Variants in PCDHGB6 observed in about 807,000 individuals in gnomAD.
PCDHGB6 encodes the protein protocadherin gamma subfamily B, 6.
PCDHGB6 carries 51 observed loss-of-function variants against 59.1 expected under a neutral mutation model. The observed-to-expected ratio is 0.86, with a 90% CI of 0.69 to 1.09. The LOEUF (loss-of-function observed/expected upper bound fraction) is 1.09, where lower values mean the gene tolerates loss of function less well. PCDHGB6 is among the 50% of genes least tolerant of loss of function. PCDHGB6 has a pLI of 0.00. For synonymous variants in PCDHGB6, 466 were observed against 495.1 expected (o/e 0.94, Z 0.78); for missense variants, 1,148 against 1,205.1 (o/e 0.95, Z 0.70).
intron 1 of PCDHGB6, among the ~76,000 whole-genome samples, chr5:141,462,192 T>C (rs1323806836): frequency 6.6e-6 from 1 of 152,198 alleles, no homozygotes; most frequent in Non-Finnish European, 1.5e-5. Context: ...ACTCCTGACC[T>C]CAGGTGATCC....
chr5:141,462,552 T>A (rs966816379), intron 1 of PCDHGB6, among the ~76,000 whole-genome samples: 1 of 152,194 alleles, frequency 6.6e-6, no homozygotes, highest in Non-Finnish European at 1.5e-5. Context: ...TCTTCTTCAG[T>A]GTTTACTGTA....
intron 1 of PCDHGB6, chr5:141,413,929 CGAGTGAGTGTTCCT>C: frequency 6.2e-7 from 1 of 1,613,342 alleles, no homozygotes; most frequent in Non-Finnish European, 8.5e-7. Flanking sequence ...GCCAGAATAC[CGAGTGAGTGTTCCT>C]GAGAATTTGC....
chr5:141,409,887 TGCTGTAC>T lies in PCDHGB6; in HGVS notation c.1686_1692del (p.Leu563GlnfsTer23). 6.2e-7 allele frequency: 1 copy of T among 1,613,062 alleles called. No individual in the cohort carries two copies. Among genetic ancestry groups the T allele is most frequent in the Non-Finnish European group, 8.5e-7 (1 of 1,179,652 alleles). ...GACCGCAATGACAACGCACCGCGGGTGCTGTACCCAGCTCTGGGTCCTGACGGCTCCG... is the reference window on the plus strand; with the variant it reads ...GACCGCAATGACAACGCACCGCGGGTCCAGCTCTGGGTCCTGACGGCTCCG... On this transcript the variant is annotated frameshift_variant, in exon 1 of 4. Transcript: ENST00000520790. LOFTEE classifies it high-confidence loss of function.
In PCDHGB6 at chr5:141,493,930, A is replaced by G. The variant is rs547125826; in HGVS notation, c.2419-877A>G. Among the ~76,000 whole-genome samples the G allele has an allele frequency of 6.6e-6, 1 of 152,268 alleles. No homozygotes were observed. The highest frequency in any genetic ancestry group is 6.5e-5 in the Admixed American group (1 of 15,300). ...TGTGATGGGATAACACACCCCCTGG[A>G]AAGACCAGAAGGGACTCAGGAATGA... On this transcript the variant is annotated intron_variant, in intron 1 of 3. Transcript: ENST00000520790. This position sits in a 1 kb window ranked among gnomAD's most constrained non-coding sequence, Gnocchi z 4.3.
At chr5:141,501,312 C>T (rs2099807672) in intron 2 of PCDHGB6, among the ~76,000 whole-genome samples, 1 of 151,778 alleles carries the variant, frequency 6.6e-6, no homozygotes, top group South Asian at 2.1e-4. Context: ...CACACACACA[C>T]ACACACACAC....
chr5:141,486,263 G>GAACCTGGC lies in PCDHGB6; in HGVS notation c.2419-8542_2419-8535dup. 6.2e-7 allele frequency: 1 copy of GAACCTGGC among 1,614,090 alleles called. No homozygotes were observed. Among genetic ancestry groups the GAACCTGGC allele is most frequent in the South Asian group, 1.1e-5 (1 of 91,064 alleles). On this transcript the variant is annotated intron_variant, in intron 1 of 3. Coordinates refer to ENST00000520790, the MANE Select transcript of PCDHGB6 (RefSeq NM_018926.3). This position sits in a 1 kb window ranked among gnomAD's most constrained non-coding sequence, Gnocchi z 5.0. ...GCTTGGAACCCTCCCCGAGAGTGCAGAACCTGGCACTGTGGTGGCACTTAT... is the reference window on the plus strand; with the variant it reads ...GCTTGGAACCCTCCCCGAGAGTGCAGAACCTGGCAACCTGGCACTGTGGTGGCACTTAT...
At chr5:141,480,046 A>G (rs919527311) in intron 1 of PCDHGB6, among the ~76,000 whole-genome samples, 1 of 152,206 alleles carries the variant, frequency 6.6e-6, no homozygotes, top group Non-Finnish European at 1.5e-5. Context: ...ATATGCAAAA[A>G]GGGAATAATA....
intron 2 of PCDHGB6, among the ~76,000 whole-genome samples, chr5:141,495,279 G>C (rs72790069): frequency 0.027 from 4,092 of 152,256 alleles, 88 homozygotes; most frequent in Middle Eastern, 0.048. Flanking sequence ...CGGAGGAGGC[G>C]GTCCGCACTC....
rs761264372 is a variant in PCDHGB6 at position 141,489,500 on chromosome 5, A to G, written c.2419-5307A>G. 12 of 1,614,112 alleles carry G rather than the reference A, an allele frequency of 7.4e-6. No individual in the cohort carries two copies. In the South Asian group the frequency reaches 1.3e-4, roughly 18 times the overall value. On this transcript the variant is annotated intron_variant, in intron 1 of 3. Coordinates refer to ENST00000520790, the MANE Select transcript of PCDHGB6 (RefSeq NM_018926.3). This position sits in a 1 kb window ranked among gnomAD's most constrained non-coding sequence, Gnocchi z 4.5. ...TTGATGAGTGGTGCCCTGGCAGTGA[A>G]TCAAAAGATTGACCGAGAAAGCCTA...
At chr5:141,441,818 TG>T in intron 1 of PCDHGB6, 1 of 359,922 alleles carries the variant, frequency 2.8e-6, no homozygotes, top group Non-Finnish European at 5.5e-6. Flanking sequence ...ACCCCAGCTC[TG>T]GAGCGCAATG....
intron 1 of PCDHGB6, chr5:141,415,463 T>G: frequency 6.2e-7 from 1 of 1,614,228 alleles, no homozygotes; most frequent in South Asian, 1.1e-5. Flanking sequence ...GAGGTCTCTC[T>G]CACCGCGGAC....
Position 141,476,570 on chromosome 5 carries a change from A to G in PCDHGB6, c.2419-18237A>G. ...GATTAGCGAGGCCGTGGCTCCGGGG[A>G]CGCGCTTTCCGCTCGAGAGCGCGCA... On this transcript the variant is annotated intron_variant, in intron 1 of 3. Transcript: ENST00000520790. The surrounding 1 kb of genome is among the most constrained non-coding windows in gnomAD (Gnocchi z 7.6). 3 of 1,614,114 alleles carry G rather than the reference A, an allele frequency of 1.9e-6. No individual in the cohort carries two copies. The highest frequency in any genetic ancestry group is 2.5e-6 in the Non-Finnish European group (3 of 1,180,012).
At chr5:141,468,063 A>G (rs2099157033) in intron 1 of PCDHGB6, among the ~76,000 whole-genome samples, 1 of 152,064 alleles carries the variant, frequency 6.6e-6, no homozygotes, top group South Asian at 2.1e-4. Flanking sequence ...AGTGGCTCAC[A>G]CCTGTAATCC....
At chr5:141,478,864 A>G in intron 1 of PCDHGB6, 1 of 1,322,156 alleles carries the variant, frequency 7.6e-7, no homozygotes, top group Non-Finnish European at 1.0e-6. Flanking sequence ...GATCTCAGCG[A>G]TCAGAGTTTA....
In PCDHGB6 at chr5:141,417,986, A is replaced by G. The variant is rs777967345; in HGVS notation, c.2418+7366A>G. On this transcript the variant is annotated intron_variant, in intron 1 of 3. Coordinates refer to ENST00000520790, the MANE Select transcript of PCDHGB6 (RefSeq NM_018926.3). ...CTACTCGATTCCGGAGGAGCTGGCC[A>G]AGGGCTCGGTGGTGGGGAACCTCGC... The G allele has an allele frequency of 9.9e-6, 16 of 1,613,490 alleles. No individual in the cohort carries two copies. Among genetic ancestry groups the G allele is most frequent in the Non-Finnish European group, 1.4e-5 (16 of 1,179,718 alleles).
rs373286702 is a variant in PCDHGB6, at chr5:141,421,190, A to T, written c.2418+10570A>T. ...TACATAAGCCGATTCACAACCAACC[A>T]GCTCGAGAAACCGCGGAATATCGGC... On this transcript the variant is annotated intron_variant, in intron 1 of 3. Transcript: ENST00000520790. The T allele has an allele frequency of 4.7e-6, 7 of 1,480,168 alleles. No homozygotes were observed. The South Asian group carries it at 9.4e-5, about 20-fold the overall frequency. 91.7% of individuals were successfully genotyped at this position (1,480,168 alleles called of 1,614,324 possible).
Position 141,491,858 on chromosome 5 carries a change from A to G in PCDHGB6, c.2419-2949A>G, listed in dbSNP as rs17208425. 297,575 of 1,456,446 alleles carry G rather than the reference A, an allele frequency of 0.2. 31,644 individuals are homozygous for G. The highest frequency in any genetic ancestry group is 0.33 in the Admixed American group (11,758 of 35,494). 90.2% of individuals were successfully genotyped at this position (1,456,446 alleles called of 1,614,324 possible). On this transcript the variant is annotated intron_variant, in intron 1 of 3. Transcript: ENST00000520790. This position sits in a 1 kb window ranked among gnomAD's most constrained non-coding sequence, Gnocchi z 6.9. ...TCGGGATCATTGGACCGTTTGCGCG[A>G]AACCAGAGTGGCCGATTAAGGGATG... is the stretch of plus-strand genomic sequence containing the variant.
rs1389786201 is a variant in PCDHGB6, at chr5:141,486,949, G to A, written c.2419-7858G>A. 4 of 1,614,224 alleles carry A rather than the reference G, an allele frequency of 2.5e-6. No individual in the cohort carries two copies. Among genetic ancestry groups the A allele is most frequent in the African/African-American group, 2.7e-5 (2 of 75,064 alleles). ...TTGGTGCTGGCCACCTAATCACAAA[G>A]GTGACTGCTGTGGACTTGGATTCAG... On this transcript the variant is annotated intron_variant, in intron 1 of 3. Coordinates refer to ENST00000520790, the MANE Select transcript of PCDHGB6 (RefSeq NM_018926.3). The surrounding 1 kb of genome is among the most constrained non-coding windows in gnomAD (Gnocchi z 5.0).
chr5:141,428,658 T>G (rs932328483), intron 1 of PCDHGB6: 1 of 165,620 alleles, frequency 6.0e-6, no homozygotes, highest in Non-Finnish European at 1.3e-5. Flanking sequence ...TGAGTTCCAA[T>G]GAATGTCTTT....
Sources: gnomAD v4.1 joint callset for allele counts (sites outside exome capture counted in the v4.1 genomes callset) on GRCh38, gnomAD v4.1.1 for gene constraint, Gnocchi (gnomAD v3.1) non-coding constraint, MANE v1.5 for transcripts, NCBI Gene and HGNC (gene_info 2026-07-23, HGNC 2026-07-21) for gene names.